The following M1AP variants were observed in gnomAD, a reference collection of about 807,000 sequenced individuals.
M1AP encodes the protein meiosis 1 arrest protein.
Under a neutral mutation model 51.2 loss-of-function variants are expected in M1AP, and 39 were observed. The observed-to-expected ratio is 0.76, with a 90% CI of 0.59 to 1.00. The LOEUF (loss-of-function observed/expected upper bound fraction) is 1.00, where lower values mean the gene tolerates loss of function less well. M1AP is among the 50% of genes least tolerant of loss of function. The probability of loss-of-function intolerance (pLI) is 0.00; values close to 1 mark genes in which losing one functional copy is unlikely to be tolerated. For synonymous variants in M1AP, 251 were observed against 249.2 expected (o/e 1.01, Z -0.07); for missense variants, 545 against 641.2 (o/e 0.85, Z 1.62).
intron 5 of M1AP, among the ~76,000 whole-genome samples, chr2:74,580,118 T>G (rs1679313170): frequency 6.6e-6 from 1 of 152,228 alleles, no homozygotes; most frequent in Non-Finnish European, 1.5e-5. Context: ...GTTTTCTTTC[T>G]TACTGGTACA....
chr2:74,569,373 T>G (rs1340722467), intron 7 of M1AP, among the ~76,000 whole-genome samples: 1 of 150,204 alleles, frequency 6.7e-6, no homozygotes, highest in African/African-American at 2.4e-5. Context: ...TCTCCCTCAC[T>G]CTACTTTTTT....
chr2:74,571,982 A>G (rs1451196294), intron 7 of M1AP, among the ~76,000 whole-genome samples: 3 of 150,864 alleles, frequency 2.0e-5, no homozygotes, highest in African/African-American at 7.3e-5. Flanking sequence ...GGGCAACAAG[A>G]GCGAAACTCC....
chr2:74,634,530 T>A (rs886938981), intron 2 of M1AP, among the ~76,000 whole-genome samples: 10 of 152,202 alleles, frequency 6.6e-5, no homozygotes, highest in Admixed American at 6.5e-4. Context: ...TTTCTTCGTG[T>A]CCAAGCTGCA....
chr2:74,619,812 G>GCCTCC (rs1363082271), intron 2 of M1AP, among the ~76,000 whole-genome samples: 1 of 152,126 alleles, frequency 6.6e-6, no homozygotes, highest in Non-Finnish European at 1.5e-5. Context: ...CGAGACCAAT[G>GCCTCC]CCTTGTACTG....
chr2:74,635,662 AT>A (rs562008720), intron 2 of M1AP, among the ~76,000 whole-genome samples: 69 of 152,140 alleles, frequency 4.5e-4, no homozygotes, highest in East Asian at 3.1e-3. Context: ...AAATTTTGAT[AT>A]TTGTATTTTC....
At chr2:74,599,549 A>C (rs1234028235) in intron 4 of M1AP, among the ~76,000 whole-genome samples, 2 of 152,144 alleles carry the variant, frequency 1.3e-5, no homozygotes, top group African/African-American at 4.8e-5. Context: ...CAGCCAAGCC[A>C]CATATCAAGT....
intron 5 of M1AP, among the ~76,000 whole-genome samples, chr2:74,579,360 T>C (rs943522749): frequency 1.3e-5 from 2 of 152,216 alleles, no homozygotes; most frequent in Non-Finnish European, 2.9e-5. Flanking sequence ...CAGGTTAATA[T>C]AGTAGATAAA....
intron 7 of M1AP, among the ~76,000 whole-genome samples, chr2:74,565,760 C>T (rs1021126517): frequency 4.7e-5 from 7 of 149,240 alleles, no homozygotes; most frequent in Non-Finnish European, 8.9e-5. Flanking sequence ...ACCCAGGAGG[C>T]GGAGGTTGCA....
At chr2:74,570,231 A>T (rs952476635) in intron 7 of M1AP, among the ~76,000 whole-genome samples, 2 of 152,160 alleles carry the variant, frequency 1.3e-5, no homozygotes, top group Non-Finnish European at 2.9e-5. Context: ...AAAAAGCGTC[A>T]GGAACCTAAG....
chr2:74,578,290 G>C (rs1450968267), intron 5 of M1AP, among the ~76,000 whole-genome samples: 1 of 152,132 alleles, frequency 6.6e-6, no homozygotes, highest in African/African-American at 2.4e-5. Flanking sequence ...TAAGTTTTGG[G>C]GTGCATGTGC....
At chr2:74,609,087 C>T (rs185497732) in intron 3 of M1AP, among the ~76,000 whole-genome samples, 129 of 152,274 alleles carry the variant, frequency 8.5e-4, no homozygotes, top group African/African-American at 2.8e-3. Context: ...CATTCAAAAT[C>T]CTCTCTGCTA....
chr2:74,589,261 T>C (rs2104623324), intron 4 of M1AP, among the ~76,000 whole-genome samples: 1 of 152,298 alleles, frequency 6.6e-6, no homozygotes, highest in African/African-American at 2.4e-5. Context: ...GTTGGGGGAT[T>C]AGCCAGAAGA....
intron 2 of M1AP, chr2:74,615,833 A>C (rs1035282534): frequency 6.6e-6 from 1 of 152,272 alleles, no homozygotes; most frequent in Non-Finnish European, 1.5e-5. Flanking sequence ...ATAAATGTGG[A>C]CTGAAGATTT....
At chr2:74,576,063 T>C (rs915918603) in intron 6 of M1AP, among the ~76,000 whole-genome samples, 4 of 152,198 alleles carry the variant, frequency 2.6e-5, no homozygotes, top group Non-Finnish European at 4.4e-5. Flanking sequence ...GAAGGAATTC[T>C]AGTACTTAGA....
At chr2:74,642,200 A>T (rs1683335715) in intron 1 of M1AP, among the ~76,000 whole-genome samples, 1 of 152,176 alleles carries the variant, frequency 6.6e-6, no homozygotes, top group Non-Finnish European at 1.5e-5. Flanking sequence ...ATAAGAAAAA[A>T]ATTATAGGAT....
In M1AP at chr2:74,560,158, G is replaced by A. The variant is rs200875527; in HGVS notation, c.1415C>T (p.Pro472Leu). ...RLHPHWESRA[P>L]RKHPCKTGQL... Reference sequence around the variant, plus strand: ...GAAGGAGGGGAGCGGTACCTTTCTCGGAGCTCGGCTCTCCCAGTGTGGGTG... The same window carrying A: ...GAAGGAGGGGAGCGGTACCTTTCTCAGAGCTCGGCTCTCCCAGTGTGGGTG... The change falls in exon 9 of 11, where the codon CCG (proline) becomes CTG (leucine). Residue 472 changes from proline to leucine, a missense_variant. Pro to Leu is a moderately conservative substitution (Grantham distance 98). Coordinates refer to ENST00000421985, the MANE Select transcript of M1AP (RefSeq NM_001321739.2). 9.7e-5 allele frequency: 157 copies of A among 1,613,720 alleles called. 1 individual carries two copies. The highest frequency in any genetic ancestry group is 4.1e-4 in the African/African-American group (31 of 74,964).
At chr2:74,606,061 A>G (rs10193174) in intron 4 of M1AP, among the ~76,000 whole-genome samples, 12,825 of 152,050 alleles carry the variant, frequency 0.084, 1,443 homozygotes, top group African/African-American at 0.26. Flanking sequence ...CAGCCGGGGG[A>G]ACAGAGGCCA....
At chr2:74,559,627 C>A in intron 10 of M1AP, 71 bp downstream of exon 10, 1 of 716,802 alleles carries the variant, frequency 1.4e-6, no homozygotes, top group South Asian at 1.5e-5. Flanking sequence ...CCCAGATAGT[C>A]ATGGGAGTCC....
At chr2:74,611,559 C>CT (rs1681347825) in intron 3 of M1AP, among the ~76,000 whole-genome samples, 1 of 152,118 alleles carries the variant, frequency 6.6e-6, no homozygotes, top group South Asian at 2.1e-4. Flanking sequence ...ACTCATCTCT[C>CT]TTTTTTTCTT....
Sources: gnomAD v4.1 joint callset for allele counts (sites outside exome capture counted in the v4.1 genomes callset) on GRCh38, gnomAD v4.1.1 for gene constraint, MANE v1.5 for transcripts, NCBI Gene and HGNC (gene_info 2026-07-23, HGNC 2026-07-21) for gene names.